Variants in WDR36 observed in about 807,000 individuals in gnomAD.
WDR36 encodes WD repeat domain 36, also known as WD repeat-containing protein 36.
In WDR36, 63 loss-of-function variants were observed where a neutral mutation model predicts 112.7. The observed-to-expected ratio is 0.56, with a 90% CI of 0.46 to 0.69. The LOEUF (loss-of-function observed/expected upper bound fraction) is 0.69, where lower values mean the gene tolerates loss of function less well. Ranked by LOEUF, WDR36 falls within the 30% of genes least tolerant of loss-of-function variation. WDR36 has a pLI of 0.00. For missense variants in WDR36, 1,226 were observed against 1,070.3 expected (o/e 1.15, Z -2.03); for synonymous variants, 410 against 362.2 (o/e 1.13, Z -1.50).
rs577261087 is a variant in WDR36, at chr5:111,093,373, A to T, written c.162+755A>T. Among the ~76,000 whole-genome samples, 11 of 152,328 alleles carry T rather than the reference A, an allele frequency of 7.2e-5. No individual in the cohort carries two copies. In the South Asian group the frequency reaches 8.3e-4, roughly 11 times the overall value. ...AGGATGATAATAGTCAGTGTTAATT[A>T]AGTACTTTCTTTTCTGGAAAACAGG... On this transcript the variant is annotated intron_variant, in intron 1 of 22. Transcript: ENST00000513710.
intron 13 of WDR36, 41 bp downstream of exon 13, chr5:111,110,344 A>T (rs1055807478): frequency 8.9e-6 from 13 of 1,465,416 alleles, no homozygotes; most frequent in East Asian, 2.3e-5. Flanking sequence ...ATGTAGATAG[A>T]TACAAAACTA....
chr5:111,098,050 G>A (rs1187849746), intron 3 of WDR36, among the ~76,000 whole-genome samples: 2 of 152,182 alleles, frequency 1.3e-5, no homozygotes, highest in East Asian at 1.9e-4. Context: ...TTCAGATGTG[G>A]AGACTTTAAT....
At chr5:111,094,864 GGTT>G in intron 1 of WDR36, 53 bp from the exon 2 acceptor site, 1 of 1,397,538 alleles carries the variant, frequency 7.2e-7, no homozygotes, top group Non-Finnish European at 1.0e-6. Flanking sequence ...TCAGGTGTTA[GGTT>G]ATTATGATTA....
At chr5:111,110,154 G>GTTAC (rs1330122603) in intron 12 of WDR36, 35 bp from the exon 13 acceptor site, 1 of 1,455,600 alleles carries the variant, frequency 6.9e-7, no homozygotes, top group Non-Finnish European at 9.6e-7. Flanking sequence ...AAAAATGTTA[G>GTTAC]TTATTTTGTC....
At chr5:111,096,026 A>G (rs1369624398) in intron 2 of WDR36, among the ~76,000 whole-genome samples, 4 of 152,212 alleles carry the variant, frequency 2.6e-5, no homozygotes, top group African/African-American at 9.6e-5. Context: ...AAGGCATTGG[A>G]ACTTAAGTTG....
At chr5:111,100,458 A>T (rs903636196) in intron 4 of WDR36, 131 bp from the exon 5 acceptor site, 2 of 582,136 alleles carry the variant, frequency 3.4e-6, no homozygotes, top group Admixed American at 3.4e-5. Flanking sequence ...ATAGATTAGT[A>T]TCTAAGTCTG....
intron 11 of WDR36, among the ~76,000 whole-genome samples, chr5:111,106,740 AACACCTTT>A: frequency 6.6e-6 from 1 of 151,366 alleles, no homozygotes; most frequent in African/African-American, 2.4e-5. Flanking sequence ...GTGGCTTCTT[AACACCTTT>A]AGAGTGGAAT....
chr5:111,100,738 G>T lies in WDR36; in HGVS notation c.542+17G>T, dbSNP rs1230237853. On this transcript the variant is annotated intron_variant, in intron 5 of 22. Coordinates refer to ENST00000513710, the MANE Select transcript of WDR36 (RefSeq NM_139281.3). The stretch of plus-strand genomic sequence containing the variant: ...AAAATCCAAGTAAGTATTTTAGTTA[G>T]AAAATAATATAGCTGTCACCTTATC... The T allele has an allele frequency of 6.2e-7, 1 of 1,605,186 alleles. No individual in the cohort carries two copies. The highest frequency in any genetic ancestry group is 1.1e-5 in the South Asian group (1 of 90,328).
chr5:111,128,082 C>G lies in WDR36; in HGVS notation c.*1199C>G, dbSNP rs1753711268. 1 of 193,776 alleles carries G rather than the reference C, an allele frequency of 5.2e-6. No homozygotes were observed. Among genetic ancestry groups the G allele is most frequent in the African/African-American group, 2.3e-5 (1 of 42,886 alleles). 12.0% of individuals were successfully genotyped at this position (193,776 alleles called of 1,614,324 possible). ...TCATTGTTTTGTTTTTTTTATGGTT[C>G]AAGACTTTTGCAATACATGAATTAA... On this transcript the variant is annotated 3_prime_UTR_variant, in exon 23 of 23. Transcript: ENST00000513710.
intron 14 of WDR36, 65 bp from the exon 15 acceptor site, chr5:111,111,105 A>C: frequency 6.4e-7 from 1 of 1,567,606 alleles, no homozygotes; most frequent in East Asian, 2.2e-5. Flanking sequence ...ACAAAATTCA[A>C]GTGGAGGTGA....
intron 2 of WDR36, among the ~76,000 whole-genome samples, chr5:111,096,780 C>T (rs527787943): frequency 6.6e-6 from 1 of 152,064 alleles, no homozygotes; most frequent in African/African-American, 2.4e-5. Flanking sequence ...TTTCAAATGA[C>T]AGTTTTTTCC....
chr5:111,095,450 A>G (rs1477350886), intron 2 of WDR36, among the ~76,000 whole-genome samples: 1 of 152,150 alleles, frequency 6.6e-6, no homozygotes, highest in African/African-American at 2.4e-5. Context: ...ATATCTTAGT[A>G]CTCTTCAAAG....
At chr5:111,113,183 C>A in intron 16 of WDR36, 30 bp downstream of exon 16, 2 of 1,340,740 alleles carry the variant, frequency 1.5e-6, no homozygotes, top group Non-Finnish European at 2.1e-6. Flanking sequence ...TCCCTAACCT[C>A]TATAAGATTT....
chr5:111,120,685 C>T lies in WDR36; in HGVS notation c.2002+92C>T, dbSNP rs1458765755. 7 of 1,045,062 alleles carry T rather than the reference C, an allele frequency of 6.7e-6. No individual in the cohort carries two copies. The African/African-American group carries it at 1.1e-4, about 16-fold the overall frequency. 64.7% of individuals were successfully genotyped at this position (1,045,062 alleles called of 1,614,324 possible). ...TACCAAAGGCAAAGTTTAGTGCATT[C>T]AATCAAAGTGTTTTTTAACTGATAT... On this transcript the variant is annotated intron_variant, in intron 18 of 22. Coordinates refer to ENST00000513710, the MANE Select transcript of WDR36 (RefSeq NM_139281.3).
intron 6 of WDR36, among the ~76,000 whole-genome samples, chr5:111,102,741 T>C (rs1753145758): frequency 1.3e-5 from 2 of 151,674 alleles, no homozygotes; most frequent in South Asian, 2.1e-4. Flanking sequence ...TTGTAAGTCA[T>C]GTAGAGAAAT....
At chr5:111,120,730 C>T (rs563434425) in intron 18 of WDR36, 137 bp downstream of exon 18, 2 of 803,488 alleles carry the variant, frequency 2.5e-6, no homozygotes, top group East Asian at 2.6e-5. Context: ...TGAATGACTT[C>T]ATGAATTTAT....
chr5:111,128,898 A>G lies in WDR36; in HGVS notation c.*2015A>G, dbSNP rs934756834. On this transcript the variant is annotated 3_prime_UTR_variant, in exon 23 of 23. Coordinates refer to ENST00000513710, the MANE Select transcript of WDR36 (RefSeq NM_139281.3). ...TTTTTGAAAACCATCTTCAGTCCCAATATCCTCTGTAGAAGTAATAGTTTT... is the reference window on the plus strand; with the variant it reads ...TTTTTGAAAACCATCTTCAGTCCCAGTATCCTCTGTAGAAGTAATAGTTTT... 10 of 192,446 alleles carry G rather than the reference A, an allele frequency of 5.2e-5. No individual in the cohort carries two copies. The highest frequency in any genetic ancestry group is 1.9e-4 in the African/African-American group (8 of 43,202). 11.9% of individuals were successfully genotyped at this position (192,446 alleles called of 1,614,324 possible). A position where few individuals can be genotyped will look rare whatever the true frequency, so the allele number is the denominator to read the frequency against.
chr5:111,095,852 G>GC (rs1554107821), intron 2 of WDR36, among the ~76,000 whole-genome samples: 1 of 151,470 alleles, frequency 6.6e-6, no homozygotes, highest in Non-Finnish European at 1.5e-5. Context: ...CAATGGAAGG[G>GC]TTTTTTTTTA....
intron 13 of WDR36, 34 bp from the exon 14 acceptor site, chr5:111,110,754 T>A: frequency 6.3e-7 from 1 of 1,583,940 alleles, no homozygotes; most frequent in Non-Finnish European, 8.6e-7. Flanking sequence ...CTGCCAATTC[T>A]GATTTTTTTT....
Sources: allele counts gnomAD v4.1 joint callset (sites outside exome capture counted in the v4.1 genomes callset), GRCh38; gene constraint gnomAD v4.1.1; transcripts MANE v1.5; gene names NCBI Gene and HGNC (gene_info 2026-07-23, HGNC 2026-07-21).